Variants in FERMT2 observed in about 807,000 individuals in gnomAD.
The protein encoded by FERMT2 is fermitin family homolog 2.
Under a neutral mutation model 82.7 loss-of-function variants are expected in FERMT2, and 15 were observed. The observed-to-expected ratio is 0.18, with a 90% CI of 0.12 to 0.28. The LOEUF (loss-of-function observed/expected upper bound fraction) is 0.28, where lower values mean the gene tolerates loss of function less well. FERMT2 is among the 10% of genes least tolerant of loss of function. The pLI is 1.00. For missense variants in FERMT2, 645 were observed against 809.4 expected (o/e 0.80, Z 2.46); for synonymous variants, 274 against 271.5 (o/e 1.01, Z -0.09).
intron 2 of FERMT2, among the ~76,000 whole-genome samples, chr14:52,922,624 C>T (rs973657697): frequency 1.3e-5 from 2 of 152,078 alleles, no homozygotes; most frequent in African/African-American, 4.8e-5. Context: ...CTTTTGGGTA[C>T]AAAATTTACA....
intron 2 of FERMT2, among the ~76,000 whole-genome samples, chr14:52,945,243 G>T (rs77672742): frequency 2.1e-5 from 3 of 145,380 alleles, no homozygotes; most frequent in African/African-American, 5.1e-5. Flanking sequence ...TTTTGTTGTT[G>T]TTTTTTTTTT....
chr14:52,950,507 C>G lies in FERMT2; in HGVS notation c.62G>C (p.Ser21Thr), dbSNP rs150070069. 1.7e-5 allele frequency: 28 copies of G among 1,614,066 alleles called. No individual in the cohort carries two copies. In the African/African-American group the frequency reaches 3.6e-4, roughly 21 times the overall value. Reference protein sequence around the residue: ...GCYADGTWELSVHVTDLNRDV... With the variant: ...GCYADGTWELTVHVTDLNRDV... ...GCGGTTCAGGTCCGTCACATGGACA[C>G]TCAGTTCCCACGTCCCGTCCGCGTA... Residue 21 changes from serine to threonine, a missense_variant, in exon 2 of 15, where the codon AGT (serine) becomes ACT (threonine). Transcript: ENST00000341590.
intron 3 of FERMT2, among the ~76,000 whole-genome samples, chr14:52,918,221 C>T (rs1888731093): frequency 6.6e-6 from 1 of 151,838 alleles, no homozygotes; most frequent in Non-Finnish European, 1.5e-5. Flanking sequence ...ATGTATAACA[C>T]ATAGAAAGAT....
At chr14:52,880,953 C>T (rs1416966804) in intron 6 of FERMT2, 83 bp downstream of exon 6, 2 of 818,076 alleles carry the variant, frequency 2.4e-6, no homozygotes, top group East Asian at 2.6e-5. Context: ...ATTCCTTATT[C>T]CACCGACTTC....
At chr14:52,863,287 T>C (rs1288613966) in intron 12 of FERMT2, 9 of 151,998 alleles carry the variant, frequency 5.9e-5, no homozygotes, top group Admixed American at 5.9e-4. Flanking sequence ...TTTAGACCCA[T>C]ATAATAAATA....
At chr14:52,931,544 G>T (rs1889569742) in intron 2 of FERMT2, among the ~76,000 whole-genome samples, 1 of 152,314 alleles carries the variant, frequency 6.6e-6, no homozygotes, top group South Asian at 2.1e-4. Flanking sequence ...ATATGAGGGA[G>T]TTGTCTAAGC....
intron 4 of FERMT2, among the ~76,000 whole-genome samples, chr14:52,887,900 A>G (rs1197301009): frequency 6.6e-6 from 1 of 152,082 alleles, no homozygotes; most frequent in African/African-American, 2.4e-5. Context: ...ACTCCACTTA[A>G]CCCTTGTGGA....
At position 52,860,451 on chromosome 14, in the gene FERMT2, G is replaced by C. The variant is rs760039004; in HGVS notation, c.1617C>G (p.Ile539Met). The C allele has an allele frequency of 3.7e-6, 6 of 1,612,652 alleles. No homozygotes were observed. Among genetic ancestry groups the C allele is most frequent in the Non-Finnish European group, 4.2e-6 (5 of 1,179,328 alleles). The change falls in exon 13 of 15, where the codon ATC (isoleucine) becomes ATG (methionine). Residue 539 changes from isoleucine (I) to methionine (M), a missense_variant. Physicochemically the swap from Ile to Met is conservative, Grantham distance 10. Coordinates refer to ENST00000341590, the MANE Select transcript of FERMT2 (RefSeq NM_006832.3). ...KYKNKQITAR[I>M]LEAHQNVAQM... ...GAGCTACATTCTGATGGGCCTCCAA[G>C]ATTCTCGCTGTTATCTAAACATGAG...
rs751929651 is a variant in FERMT2, at chr14:52,881,426, G to A, written c.570C>T (p.Thr190=). 1.2e-6 allele frequency: 2 copies of A among 1,613,798 alleles called. No homozygotes were observed. Among genetic ancestry groups the A allele is most frequent in the Non-Finnish European group, 1.7e-6 (2 of 1,179,912 alleles). ...SSPGLYSKTM[T]PTYDAHDGSP... Reference sequence around the variant, plus strand: ...TTCCATCATGAGCATCATAAGTGGGGGTCATTGTTTTACTATACAGTCCTG... The same window carrying A: ...TTCCATCATGAGCATCATAAGTGGGAGTCATTGTTTTACTATACAGTCCTG... The change falls in exon 5 of 15, where the codon ACC becomes ACT. Residue 190 remains threonine (T), a synonymous_variant. Coordinates refer to ENST00000341590, the MANE Select transcript of FERMT2 (RefSeq NM_006832.3).
At chr14:52,930,372 T>C (rs1889505707) in intron 2 of FERMT2, among the ~76,000 whole-genome samples, 1 of 152,190 alleles carries the variant, frequency 6.6e-6, no homozygotes, top group Non-Finnish European at 1.5e-5. Flanking sequence ...TTCCAAATCA[T>C]ACAATAAATT....
chr14:52,897,000 ACACACACACACAC>A (rs1887303440), intron 3 of FERMT2, among the ~76,000 whole-genome samples: 1 of 336 alleles, frequency 3.0e-3, no homozygotes, highest in Non-Finnish European at 0.013. Context: ...AACAAATAAA[ACACACACACACAC>A]ACACACACAC....
rs1249366036 is a variant in FERMT2, at chr14:52,859,705, C to A, written c.1737G>T (p.Gly579=). Residue 579 remains glycine, a synonymous_variant, in exon 14 of 15, where the codon GGG becomes GGT. Coordinates refer to ENST00000341590, the MANE Select transcript of FERMT2 (RefSeq NM_006832.3). ...TTCCAATAAGTTCTTCTTTTTTGCC[C>A]CCTTGGAACCTATAACATTTAAGAA... The part of the protein sequence containing the change: ...GITHFIARFQ[G]GKKEELIGIA... 6.3e-7 allele frequency: 1 copy of A among 1,580,550 alleles called. No homozygotes were observed.
chr14:52,913,396 A>G (rs1434754800), intron 3 of FERMT2, among the ~76,000 whole-genome samples: 1 of 152,192 alleles, frequency 6.6e-6, no homozygotes, highest in East Asian at 1.9e-4. Flanking sequence ...TGTCCTTAGA[A>G]GCTAGATGTT....
intron 2 of FERMT2, among the ~76,000 whole-genome samples, chr14:52,939,580 T>C (rs1890003356): frequency 6.6e-6 from 1 of 152,130 alleles, no homozygotes. Context: ...ATCCTTATAA[T>C]AATCCAAAGA....
intron 3 of FERMT2, among the ~76,000 whole-genome samples, chr14:52,911,944 T>A (rs184154260): frequency 7.9e-5 from 12 of 152,288 alleles, no homozygotes; most frequent in Admixed American, 6.5e-4. Flanking sequence ...TTTCTCCTGG[T>A]TTCCTCCAAA....
intron 3 of FERMT2, among the ~76,000 whole-genome samples, chr14:52,899,402 C>T (rs868226249): frequency 2.9e-4 from 44 of 152,334 alleles, no homozygotes; most frequent in Middle Eastern, 3.4e-3. Flanking sequence ...CCTGCCTCAG[C>T]CTCCGGAGTA....
chr14:52,948,014 G>C (rs1890442966), intron 2 of FERMT2, among the ~76,000 whole-genome samples: 1 of 152,220 alleles, frequency 6.6e-6, no homozygotes, highest in Non-Finnish European at 1.5e-5. Context: ...AAATGTAAGT[G>C]AATGCTCTGG....
At chr14:52,903,982 G>A (rs1458002067) in intron 3 of FERMT2, among the ~76,000 whole-genome samples, 1 of 152,204 alleles carries the variant, frequency 6.6e-6, no homozygotes, top group Non-Finnish European at 1.5e-5. Context: ...GAAAATTAAG[G>A]AGAATAACAG....
At chr14:52,931,487 A>C (rs1889565880) in intron 2 of FERMT2, among the ~76,000 whole-genome samples, 1 of 152,202 alleles carries the variant, frequency 6.6e-6, no homozygotes, top group Middle Eastern at 3.2e-3. Flanking sequence ...ACAACATTCT[A>C]GAGAGCAGGG....
Sources: allele counts gnomAD v4.1 joint callset (sites outside exome capture counted in the v4.1 genomes callset), GRCh38; gene constraint gnomAD v4.1.1; transcripts MANE v1.5; gene names NCBI Gene and HGNC (gene_info 2026-07-23, HGNC 2026-07-21).